The following DLG2 variants were observed in gnomAD, a reference collection of about 807,000 sequenced individuals.
DLG2 encodes the protein discs large MAGUK scaffold protein 2, also known as disks large homolog 2.
A neutral mutation model predicts 132.5 loss-of-function variants in DLG2; 45 were observed. The observed-to-expected ratio is 0.34, with a 90% CI of 0.27 to 0.44. The LOEUF (loss-of-function observed/expected upper bound fraction) is 0.44, where lower values mean the gene tolerates loss of function less well. Among genes scored for constraint, DLG2 ranks in the 20% least tolerant of loss-of-function variants. DLG2 has a pLI of 1.00. For missense variants in DLG2, 1,045 were observed against 1,196.9 expected, an observed-to-expected ratio of 0.87 and a Z score of 1.87; for synonymous variants, 424 against 419.6, an observed-to-expected ratio of 1.01 and a Z score of -0.13.
At chr11:85,146,200 A>G (rs1188278242) in intron 5 of DLG2, among the ~76,000 whole-genome samples, 1 of 150,064 alleles carries the variant, frequency 6.7e-6, no homozygotes, top group Non-Finnish European at 1.5e-5. Flanking sequence ...TTCCCCAAAC[A>G]GAAGTCTGTC....
rs77480044 is a variant in DLG2, at chr11:83,695,385, G to A, written c.1826-62060C>T. ...GAAGAAAATATATGAGGTGCTTAGC[G>A]ATCACCTCTAATGAGGGAGAAATTA... On this transcript the variant is annotated intron_variant, in intron 18 of 27. Coordinates refer to ENST00000376104, the MANE Select transcript of DLG2 (RefSeq NM_001142699.3). 5.2e-3 allele frequency among the ~76,000 whole-genome samples: 793 copies of A among 152,278 alleles called. 14 individuals carry two copies. Among genetic ancestry groups the A allele is most frequent in the African/African-American group, 0.018 (747 of 41,558 alleles).
chr11:83,574,349 T>C (rs1434729415), intron 19 of DLG2, among the ~76,000 whole-genome samples: 1 of 152,210 alleles, frequency 6.6e-6, no homozygotes, highest in African/African-American at 2.4e-5. Context: ...GATATATATG[T>C]AGGGACTAAA....
At chr11:83,726,671 C>T (rs7111226) in intron 18 of DLG2, among the ~76,000 whole-genome samples, 54,461 of 151,854 alleles carry the variant, frequency 0.36, 11,518 homozygotes, top group African/African-American at 0.59. Flanking sequence ...CATTGCCAAA[C>T]AGGTCAGCCA....
chr11:84,296,673 C>G (rs928033859), intron 7 of DLG2, among the ~76,000 whole-genome samples: 1 of 152,114 alleles, frequency 6.6e-6, no homozygotes, highest in Admixed American at 6.5e-5. Flanking sequence ...CTACTGGCCT[C>G]AAGCAAGCCT....
intron 7 of DLG2, among the ~76,000 whole-genome samples, chr11:84,438,157 C>T (rs1056771310): frequency 9.9e-5 from 15 of 152,208 alleles, no homozygotes; most frequent in Non-Finnish European, 2.1e-4. Flanking sequence ...GCATCCTTCT[C>T]TTTTCTCCTC....
chr11:84,815,309 G>A (rs1229527249), intron 6 of DLG2, among the ~76,000 whole-genome samples: 1 of 152,082 alleles, frequency 6.6e-6, no homozygotes, highest in Non-Finnish European at 1.5e-5. Context: ...AAGAAATTGT[G>A]AGGAGAGTTT....
rs551835020 is a variant in DLG2 at position 85,468,687 on chromosome 11, T to C, written c.40+129970A>G. Among the ~76,000 whole-genome samples the C allele has an allele frequency of 5.3e-5, 8 of 152,340 alleles. No individual in the cohort carries two copies. In the East Asian group the frequency reaches 1.5e-3, roughly 29 times the overall value. ...CTGTGGTCTGAGAGACAGTTTGTTA[T>C]AATTTCTGTTCTTTTACATTTGCTG... On this transcript the variant is annotated intron_variant, in intron 3 of 27. Coordinates refer to ENST00000376104, the MANE Select transcript of DLG2 (RefSeq NM_001142699.3).
At chr11:84,518,575 T>C (rs1053086703) in intron 7 of DLG2, among the ~76,000 whole-genome samples, 13 of 152,132 alleles carry the variant, frequency 8.5e-5, no homozygotes, top group African/African-American at 2.7e-4. Context: ...GTATGATGCG[T>C]GCCTCGGAAG....
intron 4 of DLG2, among the ~76,000 whole-genome samples, chr11:85,250,972 T>C (rs1156716338): frequency 1.3e-5 from 2 of 152,238 alleles, no homozygotes; most frequent in Non-Finnish European, 2.9e-5. Context: ...AAAGACATTT[T>C]GGAGACCTAG....
intron 5 of DLG2, among the ~76,000 whole-genome samples, chr11:85,114,478 A>G (rs1478730556): frequency 6.6e-6 from 1 of 151,946 alleles, no homozygotes; most frequent in Non-Finnish European, 1.5e-5. Context: ...TCTATCCAGG[A>G]TGTTTATACC....
At chr11:84,338,865 A>G (rs937400012) in intron 7 of DLG2, among the ~76,000 whole-genome samples, 10 of 152,212 alleles carry the variant, frequency 6.6e-5, no homozygotes, top group African/African-American at 2.4e-4. Context: ...AAGTACACAT[A>G]TGAAAATTAA....
chr11:83,893,851 GA>G (rs1486156939), intron 15 of DLG2, among the ~76,000 whole-genome samples: 5 of 152,128 alleles, frequency 3.3e-5, no homozygotes, highest in African/African-American at 1.2e-4. Context: ...TTGGTTCTTT[GA>G]AATACCTGAG....
At chr11:83,961,968 G>T (rs1340068508) in intron 14 of DLG2, among the ~76,000 whole-genome samples, 2 of 152,010 alleles carry the variant, frequency 1.3e-5, no homozygotes, top group East Asian at 1.9e-4. Flanking sequence ...AATGGAAAAT[G>T]CTTAATCATT....
intron 7 of DLG2, among the ~76,000 whole-genome samples, chr11:84,282,460 G>A (rs925016470): frequency 6.6e-6 from 1 of 152,144 alleles, no homozygotes; most frequent in African/African-American, 2.4e-5. Flanking sequence ...GATATGCTTA[G>A]TATCTTGAAT....
At chr11:85,548,681 C>G (rs2076478554) in intron 3 of DLG2, among the ~76,000 whole-genome samples, 1 of 152,086 alleles carries the variant, frequency 6.6e-6, no homozygotes. Context: ...TCAGAGACGC[C>G]CTGTCCAGAG....
At position 85,369,449 on chromosome 11, in the gene DLG2, G is replaced by A. The variant is rs375059399; in HGVS notation, c.41-84084C>T. On this transcript the variant is annotated intron_variant, in intron 3 of 27. Transcript: ENST00000376104. Reference sequence around the variant, plus strand: ...TTTTTTTCTTCCCCTTCTCTACCCCGTCAGCAGTTAACCTTTAACTTTTTT... The same window carrying A: ...TTTTTTTCTTCCCCTTCTCTACCCCATCAGCAGTTAACCTTTAACTTTTTT... 6.6e-4 allele frequency among the ~76,000 whole-genome samples: 100 copies of A among 151,396 alleles called. 1 individual carries two copies. Among genetic ancestry groups the A allele is most frequent in the African/African-American group, 1.9e-3 (78 of 41,218 alleles).
intron 6 of DLG2, among the ~76,000 whole-genome samples, chr11:84,692,380 T>C (rs1490594292): frequency 6.6e-6 from 1 of 151,754 alleles, no homozygotes; most frequent in Non-Finnish European, 1.5e-5. Flanking sequence ...TATCTGTCCA[T>C]TATTAACCCT....
At chr11:84,426,022 T>A (rs1321230835) in intron 7 of DLG2, among the ~76,000 whole-genome samples, 1 of 152,106 alleles carries the variant, frequency 6.6e-6, no homozygotes, top group Non-Finnish European at 1.5e-5. Flanking sequence ...ACATCAATTA[T>A]ATAACTGAAA....
chr11:85,087,138 T>C (rs1220741732), intron 6 of DLG2, among the ~76,000 whole-genome samples: 2 of 152,150 alleles, frequency 1.3e-5, no homozygotes, highest in Non-Finnish European at 2.9e-5. Flanking sequence ...AGGTACTAGG[T>C]ATATAGTGAA....
Sources: gnomAD v4.1 joint callset for allele counts (sites outside exome capture counted in the v4.1 genomes callset) on GRCh38, gnomAD v4.1.1 for gene constraint, MANE v1.5 for transcripts, NCBI Gene and HGNC (gene_info 2026-07-23, HGNC 2026-07-21) for gene names.